LAD1: variants seen among roughly 807,000 people sequenced by gnomAD.
LAD1 encodes ladinin 1, also known as ladinin-1.
Under a neutral mutation model 54.2 loss-of-function variants are expected in LAD1, and 53 were observed. The ratio of observed to expected loss-of-function variants is 0.98; its 90% confidence interval spans 0.78 to 1.23. The LOEUF (loss-of-function observed/expected upper bound fraction) is 1.23, where lower values mean the gene tolerates loss of function less well. LAD1 is among the 50% of genes most tolerant of loss of function. LAD1 has a pLI of 0.00. For missense variants in LAD1, 637 were observed against 653.3 expected (o/e 0.98, Z 0.27); for synonymous variants, 231 against 257.7 (o/e 0.90, Z 0.99).
chr1:201,391,973 G>A (rs994643548), intron 1 of LAD1, among the ~76,000 whole-genome samples: 1 of 152,218 alleles, frequency 6.6e-6, no homozygotes, highest in African/African-American at 2.4e-5. Context: ...CGACTGCAAG[G>A]CCTCCTCTTG....
chr1:201,383,073 C>G lies in LAD1; in HGVS notation c.1386+1G>C, dbSNP rs555521327. On this transcript the variant is annotated splice_donor_variant, in intron 7 of 9. Coordinates refer to ENST00000391967, the MANE Select transcript of LAD1 (RefSeq NM_005558.4). LOFTEE classifies it high-confidence loss of function. ...GACCCTGTGGGGCCTGAGCCCCTCACCTTCCGGCTGGAGGCTGGTTCTGCT... is the reference window on the plus strand; with the variant it reads ...GACCCTGTGGGGCCTGAGCCCCTCAGCTTCCGGCTGGAGGCTGGTTCTGCT... 4 of 1,611,690 alleles carry G rather than the reference C, an allele frequency of 2.5e-6. No homozygotes were observed. The Admixed American group carries it at 5.0e-5, about 20-fold the overall frequency.
chr1:201,391,835 G>C (rs1056269563), intron 1 of LAD1, among the ~76,000 whole-genome samples: 3 of 152,216 alleles, frequency 2.0e-5, no homozygotes, highest in African/African-American at 7.2e-5. Flanking sequence ...GGGGGTGTGA[G>C]CAGGGGAGTA....
At chr1:201,394,476 A>G (rs183638820) in intron 1 of LAD1, among the ~76,000 whole-genome samples, 2 of 152,194 alleles carry the variant, frequency 1.3e-5, no homozygotes, top group East Asian at 1.9e-4. Context: ...GAGGCGCCCA[A>G]ATCAAACTAT....
intron 2 of LAD1, 145 bp from the exon 3 acceptor site, chr1:201,387,323 A>T: frequency 1.4e-6 from 1 of 729,314 alleles, no homozygotes. Context: ...CACCACCTTT[A>T]TCCACTCGAT....
intron 1 of LAD1, among the ~76,000 whole-genome samples, chr1:201,395,181 C>T (rs1009781622): frequency 2.6e-5 from 4 of 152,196 alleles, no homozygotes; most frequent in African/African-American, 7.2e-5. Context: ...CCTTCAGCAG[C>T]ACCACCCCAC....
At chr1:201,385,506 T>C (rs1662055429) in intron 4 of LAD1, among the ~76,000 whole-genome samples, 195 bp downstream of exon 4, 1 of 152,204 alleles carries the variant, frequency 6.6e-6, no homozygotes, top group African/African-American at 2.4e-5. Flanking sequence ...TACTGGCACC[T>C]ACCCCCCAGG....
In LAD1 at chr1:201,384,809, T is replaced by G; in HGVS notation, c.1158A>C (p.Glu386Asp). 6.2e-7 allele frequency: 1 copy of G among 1,614,088 alleles called. No homozygotes were observed. ...FRMKPKKENS[E>D]TTLTRSASMK... ...CCCCCCACCTGCGAGTTAGGGTTGT[T>G]TCCGAGTTTTCTTTCTTGGGTTTCA... Residue 386 changes from glutamate (E) to aspartate (D), a missense_variant, in exon 5 of 10, where the codon GAA (glutamate) becomes GAC (aspartate). Transcript: ENST00000391967.
At chr1:201,382,631 A>T in intron 8 of LAD1, 22 bp downstream of exon 8, 1 of 1,561,340 alleles carries the variant, frequency 6.4e-7, no homozygotes, top group Non-Finnish European at 8.7e-7. Flanking sequence ...ACAGTAAGAG[A>T]CATCAGGGAG....
In LAD1 at chr1:201,384,264, G is replaced by A. The variant is rs943885749; in HGVS notation, c.1175+528C>T. Among the ~76,000 whole-genome samples the A allele has an allele frequency of 8.5e-5, 13 of 152,072 alleles. 1 individual carries two copies. Among genetic ancestry groups the A allele is most frequent in the Admixed American group, 7.9e-4 (12 of 15,260 alleles). On this transcript the variant is annotated intron_variant, in intron 5 of 9. Coordinates refer to ENST00000391967, the MANE Select transcript of LAD1 (RefSeq NM_005558.4). Reference sequence around the variant, plus strand: ...GGCTCCAGTAAATGTTCATGGGGCAGATGAATACAGCATGAGTGGATGACA... The same window carrying A: ...GGCTCCAGTAAATGTTCATGGGGCAAATGAATACAGCATGAGTGGATGACA...
At chr1:201,399,227 C>T (rs970190791) in intron 1 of LAD1, 42 bp downstream of exon 1, 4 of 1,508,190 alleles carry the variant, frequency 2.7e-6, no homozygotes, top group Admixed American at 1.9e-5. Flanking sequence ...CCAAAGGCTC[C>T]CCGCCGACCC....
At chr1:201,391,713 G>A (rs1488979157) in intron 1 of LAD1, among the ~76,000 whole-genome samples, 1 of 152,240 alleles carries the variant, frequency 6.6e-6, no homozygotes, top group Non-Finnish European at 1.5e-5. Context: ...CTGCATCTCA[G>A]TGAACAAACA....
At chr1:201,394,331 AC>A (rs988550253) in intron 1 of LAD1, among the ~76,000 whole-genome samples, 50 of 152,202 alleles carry the variant, frequency 3.3e-4, no homozygotes, top group Admixed American at 1.4e-3. Context: ...CCTGCCCATC[AC>A]CCCAAGGGGA....
At chr1:201,395,280 G>A (rs892836652) in intron 1 of LAD1, among the ~76,000 whole-genome samples, 2 of 152,210 alleles carry the variant, frequency 1.3e-5, no homozygotes, top group Non-Finnish European at 2.9e-5. Flanking sequence ...CCCAGGAGGG[G>A]ACTCAGTGGG....
rs115314290 is a variant in LAD1 at position 201,391,279 on chromosome 1, C to A, written c.39-1976G>T. The stretch of plus-strand genomic sequence containing the variant: ...ACTTTTGGTTCCTGCCCCAGTCACC[C>A]TTCATTCATGGGGCCAAGCAGGCAT... On this transcript the variant is annotated intron_variant, in intron 1 of 9. Coordinates refer to ENST00000391967, the MANE Select transcript of LAD1 (RefSeq NM_005558.4). 1,032 of 395,888 alleles carry A rather than the reference C, an allele frequency of 2.6e-3. 12 individuals carry two copies. The highest frequency in any genetic ancestry group is 0.021 in the African/African-American group (984 of 47,650). The allele number at this position is 395,888 out of a possible 1,614,324, so 24.5% of individuals were successfully genotyped here. A position where few individuals can be genotyped will look rare whatever the true frequency, so the allele number is the denominator to read the frequency against.
rs1288777082 is a variant in LAD1 at position 201,399,321 on chromosome 1, G to A, written c.-15C>T. ...CTGACAGCCATGCTGCAGGAGCCCC[G>A]CGTGGCCGCCCGCGCCCCGCCGGCC... On this transcript the variant is annotated 5_prime_UTR_variant, in exon 1 of 10. Coordinates refer to ENST00000391967, the MANE Select transcript of LAD1 (RefSeq NM_005558.4). 3 of 1,532,214 alleles carry A rather than the reference G, an allele frequency of 2.0e-6. No homozygotes were observed. Among genetic ancestry groups the A allele is most frequent in the African/African-American group, 1.4e-5 (1 of 72,418 alleles). The allele number at this position is 1,532,214 out of a possible 1,614,324, so 94.9% of individuals were successfully genotyped here.
chr1:201,384,787 C>T lies in LAD1; in HGVS notation c.1175+5G>A. Reference sequence around the variant, plus strand: ...AGAAAGAACCAGAGCCTCCAGGCCCCCCACCTGCGAGTTAGGGTTGTTTCC... The same window carrying T: ...AGAAAGAACCAGAGCCTCCAGGCCCTCCACCTGCGAGTTAGGGTTGTTTCC... On this transcript the variant is annotated splice_donor_5th_base_variant and intron_variant, in intron 5 of 9. Coordinates refer to ENST00000391967, the MANE Select transcript of LAD1 (RefSeq NM_005558.4). 1.2e-6 allele frequency: 2 copies of T among 1,614,044 alleles called. No homozygotes were observed. Among genetic ancestry groups the T allele is most frequent in the South Asian group, 2.2e-5 (2 of 91,074 alleles).
intron 1 of LAD1, among the ~76,000 whole-genome samples, chr1:201,393,503 T>C (rs1662231900): frequency 6.6e-6 from 1 of 152,146 alleles, no homozygotes; most frequent in South Asian, 2.1e-4. Context: ...CCTAGCACTT[T>C]GAGAGGCTGA....
chr1:201,387,733 G>A (rs1210561650), intron 2 of LAD1, among the ~76,000 whole-genome samples: 1 of 152,208 alleles, frequency 6.6e-6, no homozygotes, highest in Non-Finnish European at 1.5e-5. Flanking sequence ...GGGCAAGGCT[G>A]GGGGAGGGGA....
At position 201,382,703 on chromosome 1, in the gene LAD1, G is replaced by A; in HGVS notation, c.1423C>T (p.Leu475Phe). 1 of 1,608,230 alleles carries A rather than the reference G, an allele frequency of 6.2e-7. No individual in the cohort carries two copies. The highest frequency in any genetic ancestry group is 8.5e-7 in the Non-Finnish European group (1 of 1,177,628). Residue 475 changes from leucine to phenylalanine, a missense_variant, in exon 8 of 10, where the codon CTC becomes TTC. Physicochemically the swap from Leu to Phe is conservative, Grantham distance 22. Transcript: ENST00000391967. ...TGGGTCCTGCTGATCCACAGGTTGA[G>A]CCTTGATGTCACAACCCCTGAGAGC... ...LRLSGVVTSR[L>F]NLWISRTQES...
Sources: gnomAD v4.1 joint callset for allele counts (sites outside exome capture counted in the v4.1 genomes callset) on GRCh38, gnomAD v4.1.1 for gene constraint, MANE v1.5 for transcripts, NCBI Gene and HGNC (gene_info 2026-07-23, HGNC 2026-07-21) for gene names.